The following TIAL1 variants were observed in gnomAD, a reference collection of about 807,000 sequenced individuals.
The protein encoded by TIAL1 is nucleolysin TIAR.
In TIAL1, 7 loss-of-function variants were observed where a neutral mutation model predicts 59.7. That is an observed-to-expected ratio of 0.12 (90% CI 0.07 to 0.22). The LOEUF is 0.22. Among genes scored for constraint, TIAL1 ranks in the 10% least tolerant of loss-of-function variants. The pLI is 1.00. For missense variants in TIAL1, 225 were observed against 462.5 expected (o/e 0.49, Z 4.71); for synonymous variants, 149 against 146.3 (o/e 1.02, Z -0.13).
intron 2 of TIAL1, among the ~76,000 whole-genome samples, chr10:119,584,835 A>T (rs1019859101): frequency 5.1e-4 from 77 of 151,750 alleles, no homozygotes; most frequent in African/African-American, 1.7e-3. Flanking sequence ...TCTCAAAAAA[A>T]AGTGCTCACG....
chr10:119,595,329 C>G (rs1846108897), intron 1 of TIAL1, among the ~76,000 whole-genome samples: 1 of 151,292 alleles, frequency 6.6e-6, no homozygotes, highest in Non-Finnish European at 1.5e-5. Context: ...GCAAGAGAAA[C>G]AAAGCAGCGA....
intron 6 of TIAL1, 196 bp from the exon 7 acceptor site, chr10:119,579,030 G>C: frequency 1.7e-6 from 1 of 586,056 alleles, no homozygotes; most frequent in Non-Finnish European, 3.0e-6. Context: ...AGCAAAAACA[G>C]AATACTCTGG....
intron 9 of TIAL1, 29 bp from the exon 10 acceptor site, chr10:119,577,232 C>T (rs1564732712): frequency 6.3e-7 from 1 of 1,579,782 alleles, no homozygotes; most frequent in Admixed American, 2.0e-5. Context: ...ATGGTTTTGT[C>T]TTTTATTTTT....
intron 1 of TIAL1, chr10:119,591,949 T>C (rs907048331): frequency 1.3e-5 from 2 of 152,186 alleles, no homozygotes; most frequent in Non-Finnish European, 2.9e-5. Flanking sequence ...CTAACAAAAA[T>C]ATTTAAGACA....
chr10:119,588,803 A>T (rs977393475), intron 1 of TIAL1, among the ~76,000 whole-genome samples: 1 of 152,212 alleles, frequency 6.6e-6, no homozygotes, highest in Non-Finnish European at 1.5e-5. Flanking sequence ...AATCAATGTG[A>T]TCTTGTATAC....
intron 1 of TIAL1, among the ~76,000 whole-genome samples, chr10:119,589,931 C>A (rs917444266): frequency 6.6e-6 from 1 of 152,052 alleles, no homozygotes; most frequent in Non-Finnish European, 1.5e-5. Context: ...TAATATATTA[C>A]ATCTGGAAAC....
At chr10:119,576,782 C>A (rs767298439) in intron 10 of TIAL1, 32 bp from the exon 11 acceptor site, 2 of 1,609,144 alleles carry the variant, frequency 1.2e-6, no homozygotes, top group East Asian at 2.2e-5. Context: ...TTTTAGGGAA[C>A]ACATAAGAAA....
chr10:119,589,547 G>A (rs1186974739), intron 1 of TIAL1, among the ~76,000 whole-genome samples: 1 of 152,094 alleles, frequency 6.6e-6, no homozygotes, highest in African/African-American at 2.4e-5. Context: ...CTAATACAAA[G>A]ATTTCTTAAG....
chr10:119,596,013 G>T (rs569516471), intron 1 of TIAL1, among the ~76,000 whole-genome samples: 1 of 151,940 alleles, frequency 6.6e-6, no homozygotes, highest in African/African-American at 2.4e-5. Context: ...ATTCCTCAGG[G>T]CCCGCGGGGC....
rs1362805143 is a variant in TIAL1 at position 119,582,087 on chromosome 10, A to G, written c.284-78T>C. On this transcript the variant is annotated intron_variant, in intron 4 of 11. Coordinates refer to ENST00000436547, the MANE Select transcript of TIAL1 (RefSeq NM_003252.4). This position sits in a 1 kb window ranked among gnomAD's most constrained non-coding sequence, Gnocchi z 5.1. ...CTTTTTAAGGCAACTCTAGAGGAGG[A>G]AAAAAAAACCTATTTAAGCTGGTAA... is the stretch of plus-strand genomic sequence containing the variant. The G allele has an allele frequency of 1.3e-6, 2 of 1,575,002 alleles. No homozygotes were observed. The highest frequency in any genetic ancestry group is 1.7e-6 in the Non-Finnish European group (2 of 1,157,156).
In TIAL1 at chr10:119,582,671, T is replaced by C; in HGVS notation, c.130-114A>G. On this transcript the variant is annotated intron_variant, in intron 2 of 11. Coordinates refer to ENST00000436547, the MANE Select transcript of TIAL1 (RefSeq NM_003252.4). The surrounding 1 kb of genome is among the most constrained non-coding windows in gnomAD (Gnocchi z 5.1). ...TGGGAATATACAAGGTGAGACTGCA[T>C]AAGCTTATGAAAGCCTAACACTTTT... 6.7e-7 allele frequency: 1 copy of C among 1,485,374 alleles called. No individual in the cohort carries two copies. The highest frequency in any genetic ancestry group is 1.4e-5 in the South Asian group (1 of 71,686). 92.0% of individuals were successfully genotyped at this position (1,485,374 alleles called of 1,614,324 possible). A position where few individuals can be genotyped will look rare whatever the true frequency, so the allele number is the denominator to read the frequency against.
In TIAL1 at chr10:119,596,445, C is replaced by T. The variant is rs1416322850; in HGVS notation, c.21G>A (p.Gln7=). MMEDDG[Q]PRTLYVGNLS... ...TCTCGGGTACTCACAGAGTCCGGGG[C>T]TGCCCGTCGTCTTCCATCATGGTGG... Residue 7 remains glutamine, a synonymous_variant, in exon 1 of 12, where the codon CAG becomes CAA. Coordinates refer to ENST00000436547, the MANE Select transcript of TIAL1 (RefSeq NM_003252.4). 6.3e-7 allele frequency: 1 copy of T among 1,584,894 alleles called. No homozygotes were observed. Among genetic ancestry groups the T allele is most frequent in the Non-Finnish European group, 8.6e-7 (1 of 1,163,240 alleles).
rs1845068215 is a variant in TIAL1, at chr10:119,577,648, C to G, written c.645G>C (p.Gly215=). ...GAAAACCAAACATTGTACCTGTTAA[C>G]CCAGACGCAATTCCTCCACAGTACA... ...CTVYCGGIAS[G]LTDQLMRQTF... Residue 215 remains glycine, a synonymous_variant, in exon 8 of 12, where the codon GGG becomes GGC. Transcript: ENST00000436547. 1.2e-6 allele frequency: 2 copies of G among 1,613,896 alleles called. No individual in the cohort carries two copies. The highest frequency in any genetic ancestry group is 2.7e-5 in the African/African-American group (2 of 74,914).
intron 9 of TIAL1, 21 bp from the exon 10 acceptor site, chr10:119,577,224 G>C (rs1286447500): frequency 6.3e-7 from 1 of 1,583,534 alleles, no homozygotes. Flanking sequence ...AAAATGATAT[G>C]GTTTTGTCTT....
chr10:119,596,679 G>A lies in TIAL1; in HGVS notation c.-214C>T, dbSNP rs530181288. On this transcript the variant is annotated 5_prime_UTR_variant, in exon 1 of 12. Transcript: ENST00000436547. ...GAGGAGGAGGATGAACAAAATGGCCGCCGCCACCAGCCAGGCAGGAAACAG... is the reference window on the plus strand; with the variant it reads ...GAGGAGGAGGATGAACAAAATGGCCACCGCCACCAGCCAGGCAGGAAACAG... 3.0e-3 allele frequency: 1,781 copies of A among 586,548 alleles called. 5 individuals are homozygous for A. Among genetic ancestry groups the A allele is most frequent in the Admixed American group, 5.7e-3 (189 of 32,880 alleles). The allele number at this position is 586,548 out of a possible 1,614,324, so 36.3% of individuals were successfully genotyped here.
At chr10:119,575,943 A>G (rs1001340438) in intron 11 of TIAL1, 152 bp from the exon 12 acceptor site, 3 of 759,762 alleles carry the variant, frequency 3.9e-6, no homozygotes, top group South Asian at 2.4e-5. Context: ...AATAAATGAT[A>G]TATGTGTAGA....
At chr10:119,580,745 T>C (rs1845262893) in intron 5 of TIAL1, 9 of 1,052,100 alleles carry the variant, frequency 8.6e-6, no homozygotes, top group Non-Finnish European at 1.0e-5. Flanking sequence ...TAATGTATAA[T>C]AAGAATAAAT....
Position 119,588,355 on chromosome 10 carries a change from T to C in TIAL1, c.33-107A>G, listed in dbSNP as rs546410981. On this transcript the variant is annotated intron_variant, in intron 1 of 11. Transcript: ENST00000436547. ...TCTTTCTTTCTTTCTTTCTTTCTTTTTTTTTTAGATGGAGTTTTGCTCTTG... is the reference window on the plus strand; with the variant it reads ...TCTTTCTTTCTTTCTTTCTTTCTTTCTTTTTTAGATGGAGTTTTGCTCTTG... 22 of 612,900 alleles carry C rather than the reference T, an allele frequency of 3.6e-5. No homozygotes were observed. The South Asian group carries it at 6.6e-4, about 18-fold the overall frequency. The allele number at this position is 612,900 out of a possible 1,614,324, so 38.0% of individuals were successfully genotyped here. A position where few individuals can be genotyped will look rare whatever the true frequency, so the allele number is the denominator to read the frequency against.
rs1239377495 is a variant in TIAL1 at position 119,574,054 on chromosome 10, CTATT to C, written c.*1607_*1610del. The C allele has an allele frequency of 6.6e-6, 1 of 152,572 alleles. No individual in the cohort carries two copies. Among genetic ancestry groups the C allele is most frequent in the Non-Finnish European group, 1.5e-5 (1 of 68,028 alleles). The allele number at this position is 152,572 out of a possible 1,614,324, so 9.5% of individuals were successfully genotyped here. A position where few individuals can be genotyped will look rare whatever the true frequency, so the allele number is the denominator to read the frequency against. On this transcript the variant is annotated 3_prime_UTR_variant, in exon 12 of 12. Transcript: ENST00000436547. ...CATCTTACTATGTAACTGTAAAAGG[CTATT>C]TTCTCTTTGGTGCCCAGGCCAGCAT...
Sources: gnomAD v4.1 joint callset for allele counts (sites outside exome capture counted in the v4.1 genomes callset) on GRCh38, gnomAD v4.1.1 for gene constraint, Gnocchi (gnomAD v3.1) non-coding constraint, MANE v1.5 for transcripts, NCBI Gene and HGNC (gene_info 2026-07-23, HGNC 2026-07-21) for gene names.